The following FMN1 variants were observed in gnomAD, a reference collection of about 807,000 sequenced individuals.
FMN1 encodes the protein formin-1.
Under a neutral mutation model 132.4 loss-of-function variants are expected in FMN1, and 110 were observed. The observed-to-expected ratio is 0.83, with a 90% CI of 0.71 to 0.97. The LOEUF (loss-of-function observed/expected upper bound fraction) is 0.97. Ranked by LOEUF, FMN1 falls within the 50% of genes least tolerant of loss-of-function variation. The probability of loss-of-function intolerance (pLI) is 0.00; values close to 1 mark genes in which losing one functional copy is unlikely to be tolerated. For synonymous variants in FMN1, 722 were observed against 651.7 expected (o/e 1.11, Z -1.64); for missense variants, 1,792 against 1,705.3 (o/e 1.05, Z -0.90).
chr15:32,914,215 T>C (rs1472737744), intron 10 of FMN1, among the ~76,000 whole-genome samples: 1 of 152,180 alleles, frequency 6.6e-6, no homozygotes, highest in Non-Finnish European at 1.5e-5. Context: ...TTAGGAAAAA[T>C]GTTGAGTAAA....
At chr15:33,096,676 T>A (rs2039097385) in intron 4 of FMN1, among the ~76,000 whole-genome samples, 2 of 152,012 alleles carry the variant, frequency 1.3e-5, no homozygotes, top group Admixed American at 6.6e-5. Context: ...CCTGGATCAC[T>A]GCAGCCTTGA....
chr15:32,784,699 C>T (rs2056791784), intron 19 of FMN1, among the ~76,000 whole-genome samples: 1 of 152,180 alleles, frequency 6.6e-6, no homozygotes, highest in Non-Finnish European at 1.5e-5. Context: ...TGTGAGATCA[C>T]CAGTGTCTGG....
At chr15:33,082,038 TGTGTGTGTGTGTGTG>T (rs1566899302) in intron 5 of FMN1, among the ~76,000 whole-genome samples, 3,705 of 145,890 alleles carry the variant, frequency 0.025, 85 homozygotes, top group Non-Finnish European at 0.034. Context: ...TGTGTGTGTG[TGTGTGTGTGTGTGTG>T]TAAGACGGAG....
intron 4 of FMN1, among the ~76,000 whole-genome samples, chr15:33,098,186 A>C (rs1192834120): frequency 6.6e-6 from 1 of 152,224 alleles, no homozygotes; most frequent in Non-Finnish European, 1.5e-5. Context: ...GAAATTAGAA[A>C]ATATTTGGAA....
At chr15:32,949,994 TAC>T (rs374719880) in intron 9 of FMN1, among the ~76,000 whole-genome samples, 65 of 18,282 alleles carry the variant, frequency 3.6e-3, no homozygotes, top group African/African-American at 0.013. Context: ...CACATATATA[TAC>T]ACATACACAT....
At chr15:32,886,090 C>T (rs1299021287) in intron 16 of FMN1, among the ~76,000 whole-genome samples, 6 of 152,098 alleles carry the variant, frequency 3.9e-5, no homozygotes, top group African/African-American at 1.2e-4. Flanking sequence ...CGGACCGCCA[C>T]GATTCTGGCC....
intron 6 of FMN1, among the ~76,000 whole-genome samples, chr15:33,038,483 T>A (rs1423000519): frequency 6.6e-6 from 1 of 152,206 alleles, no homozygotes; most frequent in Non-Finnish European, 1.5e-5. Context: ...TTAATCACCC[T>A]GTCATTATTT....
intron 4 of FMN1, among the ~76,000 whole-genome samples, chr15:33,125,541 T>TA (rs992116709): frequency 6.6e-6 from 1 of 152,000 alleles, no homozygotes; most frequent in African/African-American, 2.4e-5. Context: ...AATTACAGCT[T>TA]AAAAAAATTC....
At chr15:33,069,202 T>C (rs2037887880) in intron 5 of FMN1, among the ~76,000 whole-genome samples, 1 of 152,216 alleles carries the variant, frequency 6.6e-6, no homozygotes, top group Non-Finnish European at 1.5e-5. Flanking sequence ...TCTACCACTC[T>C]ATTTATATGC....
chr15:32,915,309 G>A (rs2060658557), intron 10 of FMN1, among the ~76,000 whole-genome samples: 1 of 152,188 alleles, frequency 6.6e-6, no homozygotes, highest in Non-Finnish European at 1.5e-5. Context: ...CTGGAACAAC[G>A]TATTAGAGAA....
chr15:32,894,714 A>G (rs544854792), intron 15 of FMN1, among the ~76,000 whole-genome samples: 1 of 151,942 alleles, frequency 6.6e-6, no homozygotes, highest in South Asian at 2.1e-4. Flanking sequence ...TTTTCACTAC[A>G]TCTTTTTTCC....
chr15:33,126,463 A>G (rs1285949165), intron 4 of FMN1, among the ~76,000 whole-genome samples: 2 of 152,126 alleles, frequency 1.3e-5, no homozygotes, highest in Non-Finnish European at 2.9e-5. Context: ...TGGATCCCAT[A>G]ACGTCCAAAA....
intron 13 of FMN1, among the ~76,000 whole-genome samples, chr15:32,901,132 CAAG>C (rs1217261862): frequency 1.3e-5 from 2 of 150,800 alleles, no homozygotes; most frequent in Non-Finnish European, 3.0e-5. Context: ...CCAGCCTGGG[CAAG>C]AAGAATGAGA....
intron 4 of FMN1, among the ~76,000 whole-genome samples, chr15:33,113,461 G>A (rs1431546863): frequency 6.6e-6 from 1 of 151,952 alleles, no homozygotes; most frequent in Non-Finnish European, 1.5e-5. Context: ...ATGTAACATA[G>A]ATGTGAACAT....
At chr15:32,775,810 A>C (rs1387836490) in intron 20 of FMN1, among the ~76,000 whole-genome samples, 3 of 152,222 alleles carry the variant, frequency 2.0e-5, no homozygotes, top group Non-Finnish European at 4.4e-5. Context: ...ATATTTTCAA[A>C]GGATTTGAAG....
chr15:32,965,366 C>G (rs1215579960), intron 8 of FMN1, among the ~76,000 whole-genome samples: 1 of 152,082 alleles, frequency 6.6e-6, no homozygotes, highest in Non-Finnish European at 1.5e-5. Flanking sequence ...TGCCACTGCA[C>G]TCCAGCCTGG....
chr15:32,830,595 TATAA>T (rs992889159), intron 17 of FMN1, among the ~76,000 whole-genome samples: 2 of 152,228 alleles, frequency 1.3e-5, no homozygotes, highest in Non-Finnish European at 2.9e-5. Flanking sequence ...AAGAGGATAC[TATAA>T]ATAAAGTGTG....
chr15:33,118,345 A>C (rs1167175750), intron 4 of FMN1, among the ~76,000 whole-genome samples: 2 of 152,154 alleles, frequency 1.3e-5, no homozygotes, highest in Non-Finnish European at 2.9e-5. Context: ...TGATTGTCCA[A>C]ACACAAAAAT....
chr15:32,910,495 G>C lies in FMN1; in HGVS notation c.3267C>G (p.Thr1089=), dbSNP rs2141663698. The C allele has an allele frequency of 6.3e-7, 1 of 1,580,486 alleles. No homozygotes were observed. The highest frequency in any genetic ancestry group is 1.2e-5 in the South Asian group (1 of 85,924). ...TCACGTTTTCATATAAGGCTGCCAG[G>C]GTCTCCAGATCAACCACGGAGTCAT... The part of the protein sequence containing the change: ...NVDDSVVDLE[T]LAALYENRAQ... The change falls in exon 11 of 21, where the codon ACC becomes ACG. Residue 1089 remains threonine (T), a synonymous_variant. Transcript: ENST00000616417.
Sources: allele counts gnomAD v4.1 joint callset (sites outside exome capture counted in the v4.1 genomes callset), GRCh38; gene constraint gnomAD v4.1.1; transcripts MANE v1.5; gene names NCBI Gene and HGNC (gene_info 2026-07-23, HGNC 2026-07-21).